DEPTOR: variants seen among roughly 807,000 people sequenced by gnomAD.
DEPTOR encodes the protein DEP domain-containing mTOR-interacting protein.
In DEPTOR, 41 loss-of-function variants were observed where a neutral mutation model predicts 41.6. The observed-to-expected ratio is 0.98, with a 90% CI of 0.77 to 1.28. The LOEUF (loss-of-function observed/expected upper bound fraction) is 1.28, where lower values mean the gene tolerates loss of function less well. Among genes scored for constraint, DEPTOR ranks in the 50% most tolerant of loss-of-function variants. DEPTOR has a pLI of 0.00. For missense variants in DEPTOR, 514 were observed against 527.9 expected, an observed-to-expected ratio of 0.97 and a Z score of 0.26; for synonymous variants, 195 against 192.3, an observed-to-expected ratio of 1.01 and a Z score of -0.12.
intron 3 of DEPTOR, among the ~76,000 whole-genome samples, chr8:119,946,976 G>T (rs1828287382): frequency 6.6e-6 from 1 of 152,046 alleles, no homozygotes; most frequent in Non-Finnish European, 1.5e-5. Context: ...CCTCTGCAAG[G>T]GTCAGCTCTG....
intron 4 of DEPTOR, among the ~76,000 whole-genome samples, chr8:119,974,378 G>A (rs1828671738): frequency 6.6e-6 from 1 of 151,954 alleles, no homozygotes; most frequent in Admixed American, 6.6e-5. Context: ...ACAAAGGACG[G>A]ACTAACAAGA....
chr8:120,011,338 C>T (rs765721037), intron 8 of DEPTOR, among the ~76,000 whole-genome samples: 7 of 152,134 alleles, frequency 4.6e-5, no homozygotes, highest in Non-Finnish European at 8.8e-5. Context: ...CTTGCGAAGG[C>T]GGTGCATGGC....
At chr8:120,043,243 T>G (rs1472799756) in intron 8 of DEPTOR, among the ~76,000 whole-genome samples, 1 of 152,112 alleles carries the variant, frequency 6.6e-6, no homozygotes, top group African/African-American at 2.4e-5. Flanking sequence ...CCTTTCAAAG[T>G]GCTGGGTTTA....
intron 3 of DEPTOR, among the ~76,000 whole-genome samples, chr8:119,950,511 G>A (rs1286557661): frequency 6.6e-6 from 1 of 151,998 alleles, no homozygotes; most frequent in African/African-American, 2.4e-5. Context: ...CACCTCCCAG[G>A]TTCAAGCAAT....
chr8:119,997,534 C>G (rs1395104179), intron 4 of DEPTOR, among the ~76,000 whole-genome samples: 1 of 152,174 alleles, frequency 6.6e-6, no homozygotes. Flanking sequence ...CCACACCTGT[C>G]CAGATTATTT....
At chr8:119,947,824 A>G (rs1256202539) in intron 3 of DEPTOR, among the ~76,000 whole-genome samples, 1 of 152,112 alleles carries the variant, frequency 6.6e-6, no homozygotes, top group East Asian at 1.9e-4. Context: ...GAATTTTTCC[A>G]TGGCTATCAC....
At chr8:120,027,568 G>A (rs894315579) in intron 8 of DEPTOR, among the ~76,000 whole-genome samples, 2 of 151,568 alleles carry the variant, frequency 1.3e-5, no homozygotes, top group African/African-American at 4.8e-5. Context: ...AGCTGGGTGT[G>A]GTGGTGCATG....
intron 1 of DEPTOR, among the ~76,000 whole-genome samples, chr8:119,875,762 G>A (rs1222363122): frequency 6.6e-6 from 1 of 152,170 alleles, no homozygotes; most frequent in Non-Finnish European, 1.5e-5. Flanking sequence ...TGTGGAGGAA[G>A]GTATTGAGGA....
Position 119,929,898 on chromosome 8 carries a change from G to C in DEPTOR, c.385G>C (p.Glu129Gln). Residue 129 changes from glutamate (E) to glutamine (Q), a missense_variant, in exon 3 of 9, where the codon GAA (glutamate) becomes CAA (glutamine). Glu to Gln is a conservative substitution (Grantham distance 29). Transcript: ENST00000286234. Reference protein sequence around the residue: ...KDDGTFPLDNEVKAFMRGQRL... With the variant: ...KDDGTFPLDNQVKAFMRGQRL... Reference sequence around the variant, plus strand: ...TGACGGCACCTTCCCATTGGATAATGAAGTGAAGGCCTTTATGAGAGGACA... The same window carrying C: ...TGACGGCACCTTCCCATTGGATAATCAAGTGAAGGCCTTTATGAGAGGACA... 2.5e-6 allele frequency: 4 copies of C among 1,613,846 alleles called. No homozygotes were observed. Among genetic ancestry groups the C allele is most frequent in the Non-Finnish European group, 3.4e-6 (4 of 1,179,856 alleles).
intron 3 of DEPTOR, among the ~76,000 whole-genome samples, chr8:119,956,531 C>A (rs935403233): frequency 6.6e-6 from 1 of 152,112 alleles, no homozygotes; most frequent in Non-Finnish European, 1.5e-5. Context: ...CACAAGTTAA[C>A]CCCATCCACT....
At chr8:119,963,039 T>C (rs1828512795) in intron 3 of DEPTOR, among the ~76,000 whole-genome samples, 1 of 152,146 alleles carries the variant, frequency 6.6e-6, no homozygotes, top group Non-Finnish European at 1.5e-5. Flanking sequence ...GAGAAATCTA[T>C]GTGGATGCAA....
intron 3 of DEPTOR, among the ~76,000 whole-genome samples, chr8:119,962,144 C>G (rs1289955364): frequency 6.6e-6 from 1 of 150,448 alleles, no homozygotes; most frequent in African/African-American, 2.4e-5. Flanking sequence ...GTAGTTCCAG[C>G]TACTTGGGAG....
intron 3 of DEPTOR, among the ~76,000 whole-genome samples, chr8:119,948,192 T>G (rs150977353): frequency 6.6e-6 from 1 of 152,306 alleles, no homozygotes; most frequent in African/African-American, 2.4e-5. Context: ...AGTAGGCAAC[T>G]TAAGAGTAAG....
chr8:119,968,801 C>T (rs1563577305), intron 4 of DEPTOR, among the ~76,000 whole-genome samples: 1 of 151,982 alleles, frequency 6.6e-6, no homozygotes, highest in Non-Finnish European at 1.5e-5. Context: ...CTGGGGTTTT[C>T]CCCAGTGAAA....
intron 8 of DEPTOR, among the ~76,000 whole-genome samples, chr8:120,043,792 A>G (rs1586671727): frequency 6.6e-6 from 1 of 152,062 alleles, no homozygotes; most frequent in Non-Finnish European, 1.5e-5. Context: ...TGGGTGGATC[A>G]CCTGAGGTCA....
intron 3 of DEPTOR, among the ~76,000 whole-genome samples, chr8:119,955,217 T>A (rs76214392): frequency 0.041 from 6,201 of 152,156 alleles, 136 homozygotes; most frequent in African/African-American, 0.068. Context: ...TTAGACATAG[T>A]CTTTGCAAAT....
chr8:119,965,453 G>C, intron 4 of DEPTOR, 43 bp downstream of exon 4: 1 of 1,592,408 alleles, frequency 6.3e-7, no homozygotes, highest in South Asian at 1.1e-5. Context: ...CAAACAGCCA[G>C]CCCCAAATCT....
intron 8 of DEPTOR, among the ~76,000 whole-genome samples, chr8:120,040,877 C>T (rs1199593856): frequency 6.6e-6 from 1 of 152,136 alleles, no homozygotes; most frequent in East Asian, 1.9e-4. Flanking sequence ...TTAGTAATGG[C>T]TTGCTACTTA....
At chr8:120,003,335 C>T (rs777868509) in intron 6 of DEPTOR, among the ~76,000 whole-genome samples, 8 of 152,140 alleles carry the variant, frequency 5.3e-5, no homozygotes, top group Non-Finnish European at 1.2e-4. Flanking sequence ...CCCAGTAAGA[C>T]CTCTGGAGCT....
Sources: allele counts gnomAD v4.1 joint callset (sites outside exome capture counted in the v4.1 genomes callset), GRCh38; gene constraint gnomAD v4.1.1; transcripts MANE v1.5; gene names NCBI Gene and HGNC (gene_info 2026-07-23, HGNC 2026-07-21).